Variants in RAD51D observed in about 807,000 individuals in gnomAD.
The protein encoded by RAD51D is RAD51 paralog D.
Under a neutral mutation model 44.1 loss-of-function variants are expected in RAD51D, and 38 were observed. The observed-to-expected ratio is 0.86, with a 90% confidence interval of 0.67 to 1.13. The LOEUF is 1.13. RAD51D is among the 50% of genes most tolerant of loss of function. The probability of loss-of-function intolerance (pLI) is 0.00; values close to 1 mark genes in which losing one functional copy is unlikely to be tolerated. For missense variants in RAD51D, 390 were observed against 414.0 expected, an observed-to-expected ratio of 0.94 and a Z score of 0.50; for synonymous variants, 141 against 166.6, an observed-to-expected ratio of 0.85 and a Z score of 1.18.
intron 3 of RAD51D, 34 bp downstream of exon 3, chr17:35,118,467 C>T (rs2142473145): frequency 1.3e-6 from 2 of 1,576,798 alleles, no homozygotes; most frequent in Non-Finnish European, 8.7e-7. Flanking sequence ...CATCCTCCTG[C>T]CTCTCTCCTT....
chr17:35,104,180 C>G (rs912702835), intron 6 of RAD51D, among the ~76,000 whole-genome samples: 2 of 152,170 alleles, frequency 1.3e-5, no homozygotes, highest in African/African-American at 4.8e-5. Context: ...CTCTCAGCAG[C>G]CATCTCTCTC....
intron 6 of RAD51D, chr17:35,106,135 G>A (rs2091599705): frequency 1.5e-6 from 1 of 653,730 alleles, no homozygotes; most frequent in Admixed American, 1.8e-5. Flanking sequence ...CACCTAGTGG[G>A]GAATGCAGAC....
chr17:35,116,068 CAAA>C (rs35916952), intron 3 of RAD51D, among the ~76,000 whole-genome samples: 1 of 131,116 alleles, frequency 7.6e-6, no homozygotes, highest in Non-Finnish European at 1.7e-5. Flanking sequence ...CAAACTCCGA[CAAA>C]AAAAAAAAAG....
chr17:35,106,194 G>C (rs1405764256), intron 6 of RAD51D, 192 bp downstream of exon 6: 5 of 732,254 alleles, frequency 6.8e-6, no homozygotes, highest in Non-Finnish European at 1.3e-5. Context: ...TGTTCAGCAG[G>C]GAAGATGAAC....
chr17:35,114,980 G>A (rs1016115897), intron 3 of RAD51D, among the ~76,000 whole-genome samples: 5 of 152,204 alleles, frequency 3.3e-5, no homozygotes, highest in African/African-American at 1.2e-4. Flanking sequence ...ATCCTTGGCT[G>A]TGGAGATCAG....
In RAD51D at chr17:35,106,471, A is replaced by G. The variant is rs769287847; in HGVS notation, c.491T>C (p.Leu164Pro). The change falls in exon 6 of 10, where the codon CTC becomes CCC. Residue 164 changes from leucine to proline, a missense_variant. By Grantham distance (98) the Leu-to-Pro change is moderately conservative. Transcript: ENST00000345365. The part of the protein sequence containing the change: ...TQDEEEQAEA[L>P]RRIQVVHAFD... ...TGCATGCACCACCTGGATCCTCCGG[A>G]GAGCTTCTGCCTGAAGCGGTGGAAA... 6 of 1,612,258 alleles carry G rather than the reference A, an allele frequency of 3.7e-6. No homozygotes were observed. Among genetic ancestry groups the G allele is most frequent in the Non-Finnish European group, 5.1e-6 (6 of 1,179,196 alleles).
Position 35,103,203 on chromosome 17 carries a change from G to C in RAD51D, c.738+51C>G, listed in dbSNP as rs763355652. 5.2e-6 allele frequency: 8 copies of C among 1,530,512 alleles called. No homozygotes were observed. In the South Asian group the frequency reaches 9.5e-5, roughly 18 times the overall value. 94.8% of individuals were successfully genotyped at this position (1,530,512 alleles called of 1,614,324 possible). On this transcript the variant is annotated intron_variant, in intron 8 of 9. Coordinates refer to ENST00000345365, the MANE Select transcript of RAD51D (RefSeq NM_002878.4). This position sits in a 1 kb window ranked among gnomAD's most constrained non-coding sequence, Gnocchi z 4.1. The stretch of plus-strand genomic sequence containing the variant: ...GAAGCTGACATTTAAGGGAAATAAA[G>C]AGCTCGCAATAACTAGAAATCAAGT...
intron 3 of RAD51D, among the ~76,000 whole-genome samples, chr17:35,108,658 T>A (rs1184665920): frequency 2.0e-5 from 3 of 152,086 alleles, no homozygotes; most frequent in Non-Finnish European, 2.9e-5. Flanking sequence ...ATCACATATG[T>A]AGATTTACAC....
chr17:35,104,138 C>T (rs965475532), intron 6 of RAD51D, among the ~76,000 whole-genome samples: 2 of 152,106 alleles, frequency 1.3e-5, no homozygotes, highest in African/African-American at 4.8e-5. Context: ...CAGAAAGCTC[C>T]GCAGAGAGTC....
Position 35,103,627 on chromosome 17 carries a change from CTAG to C in RAD51D, c.577-86_577-84del. The C allele has an allele frequency of 9.2e-7, 1 of 1,091,378 alleles. No individual in the cohort carries two copies. Among genetic ancestry groups the C allele is most frequent in the South Asian group, 1.3e-5 (1 of 76,680 alleles). The allele number at this position is 1,091,378 out of a possible 1,614,324, so 67.6% of individuals were successfully genotyped here. A position where few individuals can be genotyped will look rare whatever the true frequency, so the allele number is the denominator to read the frequency against. On this transcript the variant is annotated intron_variant, in intron 6 of 9. Coordinates refer to ENST00000345365, the MANE Select transcript of RAD51D (RefSeq NM_002878.4). This position sits in a 1 kb window ranked among gnomAD's most constrained non-coding sequence, Gnocchi z 4.1. ...GACAAGCTTGCTTTTCTATCTAAAACTAGTAAGAAATAGCCCCCCCATCCCAAA... is the reference window on the plus strand; with the variant it reads ...GACAAGCTTGCTTTTCTATCTAAAACTAAGAAATAGCCCCCCCATCCCAAA...
In RAD51D at chr17:35,099,845, G is replaced by C. The variant is rs1436022298; in HGVS notation, c.*1108C>G. On this transcript the variant is annotated 3_prime_UTR_variant, in exon 10 of 10. Transcript: ENST00000345365. ...TCCCTGGTGTCTTCGTCCCCTCCCAGCCAGGGTCATGGCTCTCAGACGGAT... is the reference window on the plus strand; with the variant it reads ...TCCCTGGTGTCTTCGTCCCCTCCCACCCAGGGTCATGGCTCTCAGACGGAT... 2.0e-6 allele frequency: 1 copy of C among 507,518 alleles called. No individual in the cohort carries two copies. The highest frequency in any genetic ancestry group is 1.5e-5 in the South Asian group (1 of 64,940). 31.4% of individuals were successfully genotyped at this position (507,518 alleles called of 1,614,324 possible). A position where few individuals can be genotyped will look rare whatever the true frequency, so the allele number is the denominator to read the frequency against.
chr17:35,117,547 T>C (rs1185909313), intron 3 of RAD51D, among the ~76,000 whole-genome samples: 3 of 152,184 alleles, frequency 2.0e-5, no homozygotes, highest in Non-Finnish European at 4.4e-5. Context: ...TGGAGTGCAG[T>C]GGTGCGATCT....
intron 1 of RAD51D, 66 bp downstream of exon 1, chr17:35,119,466 G>A (rs1462091113): frequency 3.2e-6 from 5 of 1,552,410 alleles, no homozygotes; most frequent in Non-Finnish European, 4.4e-6. Flanking sequence ...CAGTGCGCCA[G>A]CCCTCGGGGC....
chr17:35,119,387 C>T (rs1380349931), intron 1 of RAD51D, 145 bp downstream of exon 1: 1 of 1,053,326 alleles, frequency 9.5e-7, no homozygotes, highest in Non-Finnish European at 1.5e-6. Context: ...CACGCCCACC[C>T]TTCCTGAGCC....
chr17:35,108,397 G>T lies in RAD51D; in HGVS notation c.264-950C>A, dbSNP rs117774753. Among the ~76,000 whole-genome samples, 276 of 151,242 alleles carry T rather than the reference G, an allele frequency of 1.8e-3. 1 individual carries two copies. Among genetic ancestry groups the T allele is most frequent in the Non-Finnish European group, 3.0e-3 (206 of 67,862 alleles). ...TACAAAATGTATTGTACTAGCCAGG[G>T]GCCTGTAGTCTCAGTTACTTGGGAG... On this transcript the variant is annotated intron_variant, in intron 3 of 9. Transcript: ENST00000345365.
rs2142417620 is a variant in RAD51D, at chr17:35,103,216, C to G, written c.738+38G>C. 5 of 1,571,846 alleles carry G rather than the reference C, an allele frequency of 3.2e-6. No homozygotes were observed. Among genetic ancestry groups the G allele is most frequent in the African/African-American group, 1.3e-5 (1 of 74,320 alleles). ...AAGGGAAATAAAGAGCTCGCAATAACTAGAAATCAAGTTCATTGGCCAAGC... is the reference window on the plus strand; with the variant it reads ...AAGGGAAATAAAGAGCTCGCAATAAGTAGAAATCAAGTTCATTGGCCAAGC... On this transcript the variant is annotated intron_variant, in intron 8 of 9. Coordinates refer to ENST00000345365, the MANE Select transcript of RAD51D (RefSeq NM_002878.4). This position sits in a 1 kb window ranked among gnomAD's most constrained non-coding sequence, Gnocchi z 4.1.
At chr17:35,115,860 C>T (rs1915570228) in intron 3 of RAD51D, among the ~76,000 whole-genome samples, 1 of 142,018 alleles carries the variant, frequency 7.0e-6, no homozygotes, top group South Asian at 2.2e-4. Context: ...CAGAGTGAAA[C>T]TCCGTCAAAA....
At position 35,103,607 on chromosome 17, in the gene RAD51D, G is replaced by C. The variant is rs2091566271; in HGVS notation, c.577-63C>G. 7.5e-7 allele frequency: 1 copy of C among 1,340,162 alleles called. No individual in the cohort carries two copies. The highest frequency in any genetic ancestry group is 1.2e-5 in the South Asian group (1 of 84,174). 83.0% of individuals were successfully genotyped at this position (1,340,162 alleles called of 1,614,324 possible). A position where few individuals can be genotyped will look rare whatever the true frequency, so the allele number is the denominator to read the frequency against. ...GCCTCTAGGACACATTACAGGACAAGCTTGCTTTTCTATCTAAAACTAGTA... is the reference window on the plus strand; with the variant it reads ...GCCTCTAGGACACATTACAGGACAACCTTGCTTTTCTATCTAAAACTAGTA... On this transcript the variant is annotated intron_variant, in intron 6 of 9. Coordinates refer to ENST00000345365, the MANE Select transcript of RAD51D (RefSeq NM_002878.4). The surrounding 1 kb of genome is among the most constrained non-coding windows in gnomAD (Gnocchi z 4.1).
Position 35,096,463 on chromosome 17 carries a change from C to T in RAD51D, c.*4490G>A, listed in dbSNP as rs935988665. 3 of 152,184 alleles carry T rather than the reference C, an allele frequency of 2.0e-5. No homozygotes were observed. Among genetic ancestry groups the T allele is most frequent in the African/African-American group, 7.2e-5 (3 of 41,440 alleles). 9.4% of individuals were successfully genotyped at this position (152,184 alleles called of 1,614,324 possible). On this transcript the variant is annotated 3_prime_UTR_variant, in exon 10 of 10. Coordinates refer to ENST00000345365, the MANE Select transcript of RAD51D (RefSeq NM_002878.4). ...TTCATAAGGGGAACAAGCTTGAAGA[C>T]AAAACCAACATAAAAGAACAGAGCA...
Sources: gnomAD v4.1 joint callset for allele counts (sites outside exome capture counted in the v4.1 genomes callset) on GRCh38, gnomAD v4.1.1 for gene constraint, Gnocchi (gnomAD v3.1) non-coding constraint, MANE v1.5 for transcripts, NCBI Gene and HGNC (gene_info 2026-07-23, HGNC 2026-07-21) for gene names.